SLC7A2: variants seen among roughly 807,000 people sequenced by gnomAD.
SLC7A2 encodes the protein cationic amino acid transporter 2.
SLC7A2 carries 48 observed loss-of-function variants against 58.9 expected under a neutral mutation model. The ratio of observed to expected loss-of-function variants is 0.82; its 90% CI spans 0.65 to 1.04. SLC7A2 has a LOEUF of 1.04. Among genes scored for constraint, SLC7A2 ranks in the 50% least tolerant of loss-of-function variants. SLC7A2 has a pLI of 0.00. For missense variants in SLC7A2, 1,029 were observed against 818.8 expected, an observed-to-expected ratio of 1.26 and a Z score of -3.13; for synonymous variants, 363 against 314.5, an observed-to-expected ratio of 1.15 and a Z score of -1.63.
At chr8:17,517,621 T>C (rs543936647) in intron 2 of SLC7A2, among the ~76,000 whole-genome samples, 4 of 152,158 alleles carry the variant, frequency 2.6e-5, no homozygotes, top group Non-Finnish European at 5.9e-5. Flanking sequence ...CTAGTATCTT[T>C]CTTTGTTCTT....
At chr8:17,552,599 AG>A (rs1446109600) in intron 7 of SLC7A2, among the ~76,000 whole-genome samples, 1 of 79,388 alleles carries the variant, frequency 1.3e-5, no homozygotes, top group Non-Finnish European at 2.6e-5. Context: ...TGTGAAGGGA[AG>A]CACCAATCAG....
In SLC7A2 at chr8:17,538,875, G is replaced by T. The variant is rs561828240; in HGVS notation, c.-22-4443G>T. 9 of 1,613,806 alleles carry T rather than the reference G, an allele frequency of 5.6e-6. No homozygotes were observed. The South Asian group carries it at 8.8e-5, about 16-fold the overall frequency. On this transcript the variant is annotated intron_variant, in intron 2 of 12. Transcript: ENST00000494857. Reference sequence around the variant, plus strand: ...ACTCAGACAAACTAATTTGTCGAGGGTTTATTGGAACACCTGCCCCACCGG... The same window carrying T: ...ACTCAGACAAACTAATTTGTCGAGGTTTTATTGGAACACCTGCCCCACCGG...
At chr8:17,520,159 T>C (rs563942175) in intron 2 of SLC7A2, among the ~76,000 whole-genome samples, 1 of 152,322 alleles carries the variant, frequency 6.6e-6, no homozygotes, top group African/African-American at 2.4e-5. Context: ...AAACATAGGT[T>C]ATGTGTAACC....
intron 2 of SLC7A2, among the ~76,000 whole-genome samples, chr8:17,505,178 G>A (rs1037274922): frequency 1.5e-5 from 2 of 137,042 alleles, no homozygotes; most frequent in African/African-American, 5.4e-5. Context: ...TGGCAATTTT[G>A]TGTAAGATTT....
intron 2 of SLC7A2, among the ~76,000 whole-genome samples, chr8:17,509,710 T>C (rs187597108): frequency 2.0e-5 from 3 of 152,288 alleles, no homozygotes; most frequent in African/African-American, 7.2e-5. Flanking sequence ...GAACAATGTT[T>C]TATGGTAGAG....
At chr8:17,494,346 G>A (rs1383699653), upstream of SLC7A2, among the ~76,000 whole-genome samples, 1 of 152,182 alleles carries the variant, frequency 6.6e-6, no homozygotes, top group Non-Finnish European at 1.5e-5. Flanking sequence ...AGACATGCAA[G>A]AATGTTTGTG....
chr8:17,513,760 A>G (rs79762878), intron 2 of SLC7A2, among the ~76,000 whole-genome samples: 3,795 of 152,290 alleles, frequency 0.025, 99 homozygotes, highest in South Asian at 0.09. Flanking sequence ...CGAGGCAAGG[A>G]CATTTGACCA....
Position 17,558,301 on chromosome 8 carries a change from T to C in SLC7A2, c.1202T>C (p.Met401Thr), listed in dbSNP as rs982469341. Residue 401 changes from methionine (M) to threonine (T), a missense_variant, in exon 9 of 13, where the codon ATG (methionine) becomes ACG (threonine). Transcript: ENST00000494857. The part of the protein sequence containing the change: ...TLSSGAVAAL[M>T]AFLFDLKALV... ...TCTTTTCTTCTCCCCCTAGCTTTGATGGCCTTTCTGTTTGACCTGAAGGCG... is the reference window on the plus strand; with the variant it reads ...TCTTTTCTTCTCCCCCTAGCTTTGACGGCCTTTCTGTTTGACCTGAAGGCG... The C allele has an allele frequency of 6.2e-7, 1 of 1,610,838 alleles. No individual in the cohort carries two copies.
chr8:17,542,466 C>T (rs1168543138), intron 2 of SLC7A2, among the ~76,000 whole-genome samples: 1 of 152,140 alleles, frequency 6.6e-6, no homozygotes. Context: ...GCATGGGCAA[C>T]ATAGTGAGAC....
At position 17,566,970 on chromosome 8, in the gene SLC7A2, A is replaced by G. The variant is rs1352126389; in HGVS notation, c.*1824A>G. On this transcript the variant is annotated 3_prime_UTR_variant, in exon 13 of 13. Coordinates refer to ENST00000494857, the MANE Select transcript of SLC7A2 (RefSeq NM_001370338.1). ...AAAAAGCAAGTTGCGATGGTTTTGTATAGCCAGGAGTTTATTGTGATTAAA... is the reference window on the plus strand; with the variant it reads ...AAAAAGCAAGTTGCGATGGTTTTGTGTAGCCAGGAGTTTATTGTGATTAAA... The G allele has an allele frequency of 6.6e-6, 1 of 152,618 alleles. No homozygotes were observed. The highest frequency in any genetic ancestry group is 1.5e-5 in the Non-Finnish European group (1 of 68,042). 9.5% of individuals were successfully genotyped at this position (152,618 alleles called of 1,614,324 possible). A position where few individuals can be genotyped will look rare whatever the true frequency, so the allele number is the denominator to read the frequency against.
In SLC7A2 at chr8:17,560,323, A is replaced by T; in HGVS notation, c.1299-5A>T. 6.2e-7 allele frequency: 1 copy of T among 1,611,818 alleles called. No individual in the cohort carries two copies. Among genetic ancestry groups the T allele is most frequent in the Non-Finnish European group, 8.5e-7 (1 of 1,177,928 alleles). On this transcript the variant is annotated splice_polypyrimidine_tract_variant and splice_region_variant and intron_variant, in intron 9 of 12. Coordinates refer to ENST00000494857, the MANE Select transcript of SLC7A2 (RefSeq NM_001370338.1). ...ATAAAGACATAGATGTTTGTTTGGA[A>T]ATAGGTACCAGCCTGGCTTATCTTA... is the stretch of plus-strand genomic sequence containing the variant.
intron 2 of SLC7A2, among the ~76,000 whole-genome samples, chr8:17,536,972 A>T (rs1293816209): frequency 6.6e-6 from 1 of 152,210 alleles, no homozygotes; most frequent in East Asian, 1.9e-4. Flanking sequence ...AAAGCTCCCC[A>T]GGCTCCTCTT....
At chr8:17,525,909 C>T (rs1267865333) in intron 2 of SLC7A2, among the ~76,000 whole-genome samples, 1 of 152,102 alleles carries the variant, frequency 6.6e-6, no homozygotes, top group Admixed American at 6.5e-5. Context: ...ACAAGCTTTA[C>T]TTTTTGGTAG....
At position 17,561,979 on chromosome 8, in the gene SLC7A2, T is replaced by TA. The variant is rs777751380; in HGVS notation, c.1541dup (p.Tyr514Ter). 3 of 1,614,098 alleles carry TA rather than the reference T, an allele frequency of 1.9e-6. No homozygotes were observed. The highest frequency in any genetic ancestry group is 1.7e-5 in the Admixed American group (1 of 60,014). ...GTTGGGCCTGAGTGTCTTGACCACT[T>TA]ACGGAGTTCATGCCATCACCAGGCT... ...LVLGLSVLTT[Y>*]GVHAITRLEA... is the part of the protein sequence containing the mutation. Residue 514 changes from tyrosine (Y) to a stop codon, truncating the protein, a stop_gained and frameshift_variant, in exon 11 of 13, where the codon TAC becomes TAAC. Coordinates refer to ENST00000494857, the MANE Select transcript of SLC7A2 (RefSeq NM_001370338.1). LOFTEE classifies it high-confidence loss of function.
chr8:17,561,436 G>A (rs368282043), intron 10 of SLC7A2, among the ~76,000 whole-genome samples: 6 of 152,114 alleles, frequency 3.9e-5, no homozygotes, highest in East Asian at 1.9e-4. Context: ...AACAGTGTGG[G>A]GGAAACCGCT....
chr8:17,546,006 C>T (rs536398427), intron 4 of SLC7A2, among the ~76,000 whole-genome samples: 6 of 152,166 alleles, frequency 3.9e-5, no homozygotes, highest in African/African-American at 7.2e-5. Context: ...GAACAAAGTG[C>T]GTAGATCTAA....
At chr8:17,533,452 T>G (rs1332804056) in intron 2 of SLC7A2, among the ~76,000 whole-genome samples, 1 of 152,150 alleles carries the variant, frequency 6.6e-6, no homozygotes, top group East Asian at 1.9e-4. Context: ...TCTGCCACAG[T>G]TGAAGGAAAG....
chr8:17,520,809 G>C, intron 2 of SLC7A2: 3 of 569,638 alleles, frequency 5.3e-6, no homozygotes, highest in Non-Finnish European at 6.7e-6. Context: ...TTTTTAAATA[G>C]AGCAGCATGT....
rs141741899 is a variant in SLC7A2 at position 17,551,876 on chromosome 8, G to C, written c.945G>C (p.Pro315=). 7 of 1,613,718 alleles carry C rather than the reference G, an allele frequency of 4.3e-6. No individual in the cohort carries two copies. The East Asian group carries it at 6.7e-5, about 15-fold the overall frequency. Residue 315 remains proline, a synonymous_variant, in exon 7 of 13, where the codon CCG becomes CCC. Transcript: ENST00000494857. The stretch of plus-strand genomic sequence containing the variant: ...CTGCAGCTTTAACACTTATGATGCC[G>C]TACTACCTCCTCGATGAAAAAAGCC... ...GVSAALTLMM[P]YYLLDEKSPL...
Sources: gnomAD v4.1 joint callset for allele counts (sites outside exome capture counted in the v4.1 genomes callset) on GRCh38, gnomAD v4.1.1 for gene constraint, MANE v1.5 for transcripts, NCBI Gene and HGNC (gene_info 2026-07-23, HGNC 2026-07-21) for gene names.